Variants in DOCK5 observed in about 807,000 individuals in gnomAD.
The protein encoded by DOCK5 is dedicator of cytokinesis 5, also known as dedicator of cytokinesis protein 5.
DOCK5 carries 142 observed loss-of-function variants against 251.8 expected under a neutral mutation model. The observed-to-expected ratio is 0.56, with a 90% CI of 0.49 to 0.65. The LOEUF (loss-of-function observed/expected upper bound fraction) is 0.65, where lower values mean the gene tolerates loss of function less well. DOCK5 is among the 30% of genes least tolerant of loss of function. DOCK5 has a pLI of 0.00. For synonymous variants in DOCK5, 842 were observed against 835.5 expected, an observed-to-expected ratio of 1.01 and a Z score of -0.13; for missense variants, 2,111 against 2,312.3, an observed-to-expected ratio of 0.91 and a Z score of 1.79.
rs570462986 is a variant in DOCK5, at chr8:25,382,660, G to T, written c.4027-14G>T. 1 of 1,593,646 alleles carries T rather than the reference G, an allele frequency of 6.3e-7. No homozygotes were observed. The highest frequency in any genetic ancestry group is 8.6e-7 in the Non-Finnish European group (1 of 1,168,270). ...TTATAACCTCCCCTTGGAATGTCTTGTTTTGTTTTCCAGAAAAAAAGGGCC... is the reference window on the plus strand; with the variant it reads ...TTATAACCTCCCCTTGGAATGTCTTTTTTTGTTTTCCAGAAAAAAAGGGCC... On this transcript the variant is annotated splice_polypyrimidine_tract_variant and intron_variant, in intron 39 of 51. Coordinates refer to ENST00000276440, the MANE Select transcript of DOCK5 (RefSeq NM_024940.8).
intron 11 of DOCK5, 35 bp downstream of exon 11, chr8:25,304,362 G>A (rs369927600): frequency 3.0e-5 from 46 of 1,547,756 alleles, no homozygotes; most frequent in East Asian, 2.8e-4. Context: ...GGTGACTTGA[G>A]ACCTGGATTA....
chr8:25,206,409 T>C (rs1245021890), intron 1 of DOCK5, among the ~76,000 whole-genome samples: 1 of 152,148 alleles, frequency 6.6e-6, no homozygotes, highest in Admixed American at 6.5e-5. Context: ...ATATCTGTGG[T>C]GTAAATACTC....
At position 25,200,185 on chromosome 8, in the gene DOCK5, C is replaced by G. The variant is rs141439441; in HGVS notation, c.43+15234C>G. ...TGGAGTTCATTGTGACTTGAAAATT[C>G]CAATTAAAGTTGGTATAACCTCTAT... is the stretch of plus-strand genomic sequence containing the variant. On this transcript the variant is annotated intron_variant, in intron 1 of 51. Coordinates refer to ENST00000276440, the MANE Select transcript of DOCK5 (RefSeq NM_024940.8). 1.7e-3 allele frequency among the ~76,000 whole-genome samples: 265 copies of G among 152,216 alleles called. 1 individual carries two copies. Among genetic ancestry groups the G allele is most frequent in the African/African-American group, 6.1e-3 (252 of 41,534 alleles).
chr8:25,360,750 A>G (rs576648555), intron 28 of DOCK5, among the ~76,000 whole-genome samples: 3 of 152,284 alleles, frequency 2.0e-5, no homozygotes, highest in East Asian at 1.9e-4. Flanking sequence ...TATTATTGCT[A>G]TATAAAGTAA....
rs1175815423 is a variant in DOCK5, at chr8:25,399,921, C to T, written c.4715C>T (p.Thr1572Ile). The T allele has an allele frequency of 3.7e-6, 6 of 1,612,448 alleles. No homozygotes were observed. The highest frequency in any genetic ancestry group is 3.3e-4 in the Middle Eastern group (2 of 6,060). Residue 1572 changes from threonine (T) to isoleucine (I), a missense_variant, in exon 46 of 52, where the codon ACA (threonine) becomes ATA (isoleucine). By Grantham distance (89) the Thr-to-Ile change is moderately conservative. Coordinates refer to ENST00000276440, the MANE Select transcript of DOCK5 (RefSeq NM_024940.8). ...TATGCTTTTTTTTAGGCTTTTTTTA[C>T]AGAAAAGTACTTGCAGGAGCATCCT... ...GFSNYEKAFF[T>I]EKYLQEHPED... is the part of the protein sequence containing the mutation.
At chr8:25,269,303 T>C (rs1309016805) in intron 3 of DOCK5, among the ~76,000 whole-genome samples, 1 of 152,184 alleles carries the variant, frequency 6.6e-6, no homozygotes, top group Non-Finnish European at 1.5e-5. Context: ...GTAAATTGGA[T>C]AAACAAGAGT....
At chr8:25,225,163 T>G (rs1802497572) in intron 1 of DOCK5, among the ~76,000 whole-genome samples, 1 of 152,200 alleles carries the variant, frequency 6.6e-6, no homozygotes, top group Non-Finnish European at 1.5e-5. Flanking sequence ...TGTAAAATGG[T>G]GCAGTCCCTA....
At chr8:25,268,797 A>G (rs1236657940) in intron 2 of DOCK5, 48 bp from the exon 3 acceptor site, 1 of 1,495,476 alleles carries the variant, frequency 6.7e-7, no homozygotes, top group Non-Finnish European at 9.1e-7. Flanking sequence ...TAACTTTATG[A>G]TATCCCAGAA....
At position 25,292,108 on chromosome 8, in the gene DOCK5, C is replaced by T; in HGVS notation, c.406C>T (p.Leu136Phe). Residue 136 changes from leucine to phenylalanine, a missense_variant, in exon 6 of 52, where the codon CTC (leucine) becomes TTC (phenylalanine). Physicochemically the swap from Leu to Phe is conservative, Grantham distance 22. Coordinates refer to ENST00000276440, the MANE Select transcript of DOCK5 (RefSeq NM_024940.8). ...GCGGTCCCAGATCCTGTCTGGGACGCTCCCCAAGGATGAACTGGCAGAGCT... is the reference window on the plus strand; with the variant it reads ...GCGGTCCCAGATCCTGTCTGGGACGTTCCCCAAGGATGAACTGGCAGAGCT... The part of the protein sequence containing the change: ...EWRSQILSGT[L>F]PKDELAELKK... 6.3e-7 allele frequency: 1 copy of T among 1,589,654 alleles called. No individual in the cohort carries two copies. The highest frequency in any genetic ancestry group is 8.6e-7 in the Non-Finnish European group (1 of 1,167,304).
chr8:25,344,956 T>C lies in DOCK5; in HGVS notation c.2618-519T>C, dbSNP rs537307528. On this transcript the variant is annotated intron_variant, in intron 25 of 51. Coordinates refer to ENST00000276440, the MANE Select transcript of DOCK5 (RefSeq NM_024940.8). ...ATAGCAAAGATCTCAGAAGACATAA[T>C]AGGTCATACCTTACTTTCTGAAATC... is the stretch of plus-strand genomic sequence containing the variant. Among the ~76,000 whole-genome samples the C allele has an allele frequency of 1.1e-3, 160 of 152,278 alleles. 1 individual carries two copies. Among genetic ancestry groups the C allele is most frequent in the African/African-American group, 3.6e-3 (148 of 41,542 alleles).
chr8:25,341,502 A>C (rs539969740), intron 23 of DOCK5, among the ~76,000 whole-genome samples: 1 of 152,216 alleles, frequency 6.6e-6, no homozygotes, highest in Non-Finnish European at 1.5e-5. Context: ...AATGAACTCC[A>C]AGTGGACAGA....
chr8:25,337,825 TCCCC>T (rs1409621818), intron 22 of DOCK5, among the ~76,000 whole-genome samples: 9 of 151,736 alleles, frequency 5.9e-5, no homozygotes, highest in Non-Finnish European at 5.9e-5. Flanking sequence ...GACCTCGTGA[TCCCC>T]CCGCCTCGGC....
At chr8:25,225,655 G>A (rs1315258544) in intron 1 of DOCK5, among the ~76,000 whole-genome samples, 11 of 150,702 alleles carry the variant, frequency 7.3e-5, no homozygotes, top group African/African-American at 2.2e-4. Flanking sequence ...GCAGTGAGCC[G>A]AGATCTCGTC....
chr8:25,395,823 T>C (rs1446437181), intron 45 of DOCK5, 104 bp downstream of exon 45: 1 of 1,287,298 alleles, frequency 7.8e-7, no homozygotes, highest in Admixed American at 2.0e-5. Flanking sequence ...ACAGCTGCTC[T>C]AAGAAATGTT....
intron 1 of DOCK5, among the ~76,000 whole-genome samples, chr8:25,215,644 T>C (rs1802224767): frequency 6.6e-6 from 1 of 152,120 alleles, no homozygotes; most frequent in Non-Finnish European, 1.5e-5. Flanking sequence ...GGTCATTGTG[T>C]TATTTCTATT....
chr8:25,217,091 T>C (rs1231206199), intron 1 of DOCK5, among the ~76,000 whole-genome samples: 7 of 148,786 alleles, frequency 4.7e-5, no homozygotes, highest in African/African-American at 7.4e-5. Context: ...ATAATATGTG[T>C]ATATATACAC....
chr8:25,243,378 T>A (rs2117545973), intron 1 of DOCK5, among the ~76,000 whole-genome samples: 1 of 151,720 alleles, frequency 6.6e-6, no homozygotes, highest in South Asian at 2.1e-4. Context: ...TCACCCAGGC[T>A]GGTGTGCAGT....
chr8:25,334,340 G>C, intron 21 of DOCK5, 144 bp downstream of exon 21: 2 of 663,310 alleles, frequency 3.0e-6, no homozygotes, highest in South Asian at 3.8e-5. Flanking sequence ...GCTTCCGGGT[G>C]GAAAAAGGGA....
In DOCK5 at chr8:25,302,369, G is replaced by A. The variant is rs907157; in HGVS notation, c.891G>A (p.Val297=). The A allele has an allele frequency of 0.43, 689,189 of 1,611,654 alleles. 154,105 individuals are homozygous for A. The highest frequency in any genetic ancestry group is 0.46 in the Non-Finnish European group (545,985 of 1,178,810). ...TCATCCGGCCCCGCGTCAGCCTTGT[G>A]TGCCAGATTGTCCGCGTGGGCCATA... is the stretch of plus-strand genomic sequence containing the variant. ...MDLIRPRVSL[V]CQIVRVGHME... Residue 297 remains valine (V), a synonymous_variant, in exon 10 of 52, where the codon GTG becomes GTA. Transcript: ENST00000276440.
Sources: allele counts gnomAD v4.1 joint callset (sites outside exome capture counted in the v4.1 genomes callset), GRCh38; gene constraint gnomAD v4.1.1; transcripts MANE v1.5; gene names NCBI Gene and HGNC (gene_info 2026-07-23, HGNC 2026-07-21).